Variants in PRIM2 observed in about 807,000 individuals in gnomAD.
PRIM2 encodes DNA primase subunit 2.
Under a neutral mutation model 67.3 loss-of-function variants are expected in PRIM2, and 39 were observed. The observed-to-expected ratio is 0.58, with a 90% CI of 0.45 to 0.76. The LOEUF (loss-of-function observed/expected upper bound fraction) is 0.76. PRIM2 is among the 30% of genes least tolerant of loss of function. The pLI is 0.00. For missense variants in PRIM2, 398 were observed against 598.7 expected (o/e 0.66, Z 3.50); for synonymous variants, 143 against 198.7 (o/e 0.72, Z 2.36).
At chr6:57,479,485 A>G (rs1474943885) in intron 7 of PRIM2, among the ~76,000 whole-genome samples, 4 of 152,160 alleles carry the variant, frequency 2.6e-5, no homozygotes, top group Admixed American at 1.3e-4. Context: ...CTGAGAGAGA[A>G]CTAATTATTT....
chr6:57,455,948 G>A (rs202196653), intron 7 of PRIM2, among the ~76,000 whole-genome samples: 31 of 152,038 alleles, frequency 2.0e-4, no homozygotes, highest in Admixed American at 1.3e-3. Context: ...CATGTTTAGC[G>A]CTTCCTTCAG....
intron 10 of PRIM2, among the ~76,000 whole-genome samples, chr6:57,538,534 T>C (rs2127470357): frequency 6.6e-6 from 1 of 152,350 alleles, no homozygotes; most frequent in East Asian, 1.9e-4. Context: ...TGTTTATTTC[T>C]TGATTTGCTG....
chr6:57,256,714 TCA>T, the PRIM2 span, among the ~76,000 whole-genome samples: 2,752 of 134,084 alleles, frequency 0.021, 38 homozygotes, highest in African/African-American at 0.045. Context: ...TCTCTCACTT[TCA>T]CACACACACA....
At chr6:57,306,206 A>G in the PRIM2 span, among the ~76,000 whole-genome samples, 30 of 152,222 alleles carry the variant, frequency 2.0e-4, no homozygotes, top group Admixed American at 6.5e-4. Context: ...ATTGGATTAA[A>G]CCCCATATGG....
chr6:57,331,266 C>A (rs994383568), intron 5 of PRIM2, among the ~76,000 whole-genome samples: 9 of 151,446 alleles, frequency 5.9e-5, no homozygotes, highest in Non-Finnish European at 8.8e-5. Flanking sequence ...GGAATAAATC[C>A]CCCTTGGTCA....
chr6:57,396,122 G>A (rs889580704), intron 7 of PRIM2, among the ~76,000 whole-genome samples: 14 of 152,162 alleles, frequency 9.2e-5, no homozygotes, highest in African/African-American at 2.7e-4. Context: ...AATAGAATGT[G>A]TATTCTGAGG....
chr6:57,232,288 C>T, the PRIM2 span, among the ~76,000 whole-genome samples: 2 of 152,214 alleles, frequency 1.3e-5, no homozygotes, highest in Admixed American at 1.3e-4. Context: ...CGTGGTGGCT[C>T]ACGCCTGTAA....
At chr6:57,614,406 G>T (rs1313398504) in intron 12 of PRIM2, among the ~76,000 whole-genome samples, 1 of 152,120 alleles carries the variant, frequency 6.6e-6, no homozygotes, top group East Asian at 1.9e-4. Flanking sequence ...AAAAGCCGTT[G>T]TTGCCTCTAT....
chr6:57,613,439 T>C (rs1181964632), intron 12 of PRIM2, among the ~76,000 whole-genome samples: 7 of 152,216 alleles, frequency 4.6e-5, no homozygotes, highest in African/African-American at 1.7e-4. Flanking sequence ...AGTTAAATGG[T>C]CATGTGCCTA....
the PRIM2 span, among the ~76,000 whole-genome samples, chr6:57,252,282 A>G: frequency 4.5e-4 from 68 of 152,336 alleles, no homozygotes; most frequent in African/African-American, 1.5e-3. Context: ...GTTACCATGT[A>G]TTGAGGCTCG....
At chr6:57,351,552 C>T (rs1768856902) in intron 5 of PRIM2, among the ~76,000 whole-genome samples, 1 of 152,034 alleles carries the variant, frequency 6.6e-6, no homozygotes, top group Non-Finnish European at 1.5e-5. Flanking sequence ...AGCCTAAAGA[C>T]TTGATGGCTA....
chr6:57,271,270 G>C, the PRIM2 span, among the ~76,000 whole-genome samples: 1 of 151,962 alleles, frequency 6.6e-6, no homozygotes, highest in Non-Finnish European at 1.5e-5. Flanking sequence ...GACTTTTTTT[G>C]GTTGGTAAGC....
chr6:57,555,087 C>T (rs1247930371), intron 10 of PRIM2, among the ~76,000 whole-genome samples: 1 of 152,064 alleles, frequency 6.6e-6, no homozygotes, highest in Non-Finnish European at 1.5e-5. Context: ...TTGATAGAGA[C>T]AAATGGACTA....
At chr6:57,376,209 T>C (rs1769758774) in intron 5 of PRIM2, among the ~76,000 whole-genome samples, 1 of 152,160 alleles carries the variant, frequency 6.6e-6, no homozygotes, top group Admixed American at 6.5e-5. Flanking sequence ...GATGGGGGTC[T>C]CACTTAGTCG....
chr6:57,354,937 T>C (rs1413055370), intron 5 of PRIM2, among the ~76,000 whole-genome samples: 1 of 152,256 alleles, frequency 6.6e-6, no homozygotes, highest in Non-Finnish European at 1.5e-5. Flanking sequence ...TTTTTCTTCC[T>C]GCTGTGAGTC....
At chr6:57,606,061 G>A (rs1228340215) in intron 11 of PRIM2, among the ~76,000 whole-genome samples, 24 of 152,010 alleles carry the variant, frequency 1.6e-4, no homozygotes, top group Non-Finnish European at 2.5e-4. Flanking sequence ...ACTATTATGC[G>A]GCTATTTTGT....
At chr6:57,562,212 A>G (rs1775646873) in intron 10 of PRIM2, among the ~76,000 whole-genome samples, 1 of 152,190 alleles carries the variant, frequency 6.6e-6, no homozygotes, top group Non-Finnish European at 1.5e-5. Flanking sequence ...ATAATAATGA[A>G]AAAGTTTGAA....
Position 57,318,379 on chromosome 6 carries a change from T to C in PRIM2, c.-9-58T>C, listed in dbSNP as rs1767543967. On this transcript the variant is annotated intron_variant, in intron 1 of 13. Transcript: ENST00000615550. ...GAATTATTTTTTCGTGTTTTTTCTT[T>C]TTTTTCCCCCAACTTTGTTTTCCAT... 4.1e-6 allele frequency: 6 copies of C among 1,477,570 alleles called. No homozygotes were observed. In the South Asian group the frequency reaches 5.3e-5, roughly 13 times the overall value. The allele number at this position is 1,477,570 out of a possible 1,614,324, so 91.5% of individuals were successfully genotyped here.
At chr6:57,305,647 G>T in the PRIM2 span, among the ~76,000 whole-genome samples, 1 of 152,114 alleles carries the variant, frequency 6.6e-6, no homozygotes, top group Non-Finnish European at 1.5e-5. Context: ...TAGTTTCTTT[G>T]TTACTTAGAT....
Sources: allele counts gnomAD v4.1 joint callset (sites outside exome capture counted in the v4.1 genomes callset), GRCh38; gene constraint gnomAD v4.1.1; transcripts MANE v1.5; gene names NCBI Gene and HGNC (gene_info 2026-07-23, HGNC 2026-07-21).